Variants in DENND1A observed in about 807,000 individuals in gnomAD.
DENND1A encodes the protein DENN domain containing 1A.
Under a neutral mutation model 113.7 loss-of-function variants are expected in DENND1A, and 51 were observed. That is an observed-to-expected ratio of 0.45 (90% CI 0.36 to 0.57). The LOEUF (loss-of-function observed/expected upper bound fraction) is 0.57, where lower values mean the gene tolerates loss of function less well. DENND1A is among the 20% of genes least tolerant of loss of function. The pLI, the probability that DENND1A is intolerant of heterozygous loss-of-function variation, is 0.00. For missense variants in DENND1A, 1,258 were observed against 1,395.9 expected (o/e 0.90, Z 1.57); for synonymous variants, 565 against 570.8 (o/e 0.99, Z 0.14).
chr9:123,551,805 AC>A (rs1160261727), intron 13 of DENND1A, among the ~76,000 whole-genome samples: 2 of 152,098 alleles, frequency 1.3e-5, no homozygotes, highest in African/African-American at 4.8e-5. Context: ...TGAGCCGGGC[AC>A]CCAGCCTCCC....
chr9:123,656,090 A>G (rs1414893404), intron 8 of DENND1A, among the ~76,000 whole-genome samples: 2 of 152,236 alleles, frequency 1.3e-5, no homozygotes, highest in African/African-American at 2.4e-5. Flanking sequence ...ACGGATATGC[A>G]GGGGAAGGCT....
In DENND1A at chr9:123,627,783, G is replaced by A. The variant is rs890094086; in HGVS notation, c.719+2593C>T. On this transcript the variant is annotated intron_variant, in intron 10 of 23. Coordinates refer to ENST00000394215, the MANE Select transcript of DENND1A (RefSeq NM_001352964.2). The stretch of plus-strand genomic sequence containing the variant: ...AGAGAGAGAGAGCGAGCGAGTGAGA[G>A]AGAGAGAGAGAGCAAGCTCACAAAG... 2.3e-5 allele frequency among the ~76,000 whole-genome samples: 3 copies of A among 130,594 alleles called. No individual in the cohort carries two copies. In the East Asian group the frequency reaches 6.3e-4, roughly 27 times the overall value. 85.7% of individuals were successfully genotyped at this position (130,594 alleles called of 152,430 possible).
chr9:123,401,696 G>T, intron 21 of DENND1A: 1 of 1,539,506 alleles, frequency 6.5e-7, no homozygotes, highest in Non-Finnish European at 8.8e-7. Context: ...AACTAAAAGT[G>T]ATACTGACAC....
In DENND1A at chr9:123,704,032, T is replaced by C. The variant is rs74906253; in HGVS notation, c.303-27243A>G. ...ATTTTGGCCTATGGAAGATTAGATA[T>C]TTTTAAAACCCTCCCAACTGATACA... On this transcript the variant is annotated intron_variant, in intron 5 of 23. Coordinates refer to ENST00000394215, the MANE Select transcript of DENND1A (RefSeq NM_001352964.2). Among the ~76,000 whole-genome samples the C allele has an allele frequency of 5.5e-3, 830 of 152,196 alleles. 7 individuals are homozygous for C. The highest frequency in any genetic ancestry group is 7.8e-3 in the Non-Finnish European group (533 of 68,028).
chr9:123,444,926 C>T (rs1214435522), intron 18 of DENND1A, among the ~76,000 whole-genome samples: 3 of 152,222 alleles, frequency 2.0e-5, no homozygotes, highest in Admixed American at 1.3e-4. Flanking sequence ...GACAGAGCTA[C>T]ATATCAGGGG....
intron 10 of DENND1A, 130 bp from the exon 11 acceptor site, chr9:123,609,611 C>G (rs1174308154): frequency 9.6e-7 from 1 of 1,043,380 alleles, no homozygotes; most frequent in Non-Finnish European, 1.3e-6. Flanking sequence ...CCTTTCACAA[C>G]AAAAATCCTA....
At chr9:123,662,936 A>G (rs1328190865) in intron 8 of DENND1A, among the ~76,000 whole-genome samples, 1 of 152,202 alleles carries the variant, frequency 6.6e-6, no homozygotes, top group Non-Finnish European at 1.5e-5. Flanking sequence ...CTATAGGAAA[A>G]TCAATAAGTG....
intron 11 of DENND1A, among the ~76,000 whole-genome samples, chr9:123,607,545 A>AGTGTGTGT (rs1469468515): frequency 9.4e-6 from 1 of 106,022 alleles, no homozygotes; most frequent in South Asian, 3.5e-4. Context: ...AGAGAGAGAG[A>AGTGTGTGT]GAGTGTGTGT....
At chr9:123,555,577 T>G (rs1186055452) in intron 13 of DENND1A, among the ~76,000 whole-genome samples, 3 of 152,228 alleles carry the variant, frequency 2.0e-5, no homozygotes, top group Non-Finnish European at 2.9e-5. Flanking sequence ...AGTTTCACCT[T>G]CCTGATGAAA....
At chr9:123,767,383 T>C (rs1289234751) in intron 4 of DENND1A, among the ~76,000 whole-genome samples, 2 of 151,490 alleles carry the variant, frequency 1.3e-5, no homozygotes, top group Non-Finnish European at 2.9e-5. Flanking sequence ...AAAAGAAACA[T>C]TTCTGTCCTC....
intron 10 of DENND1A, among the ~76,000 whole-genome samples, chr9:123,622,323 T>G (rs984510440): frequency 6.6e-6 from 1 of 152,240 alleles, no homozygotes; most frequent in Non-Finnish European, 1.5e-5. Flanking sequence ...AGAATTGATT[T>G]GTGGTCCCTA....
intron 18 of DENND1A, among the ~76,000 whole-genome samples, chr9:123,445,474 A>T (rs1027314708): frequency 2.6e-5 from 4 of 152,214 alleles, no homozygotes; most frequent in Non-Finnish European, 5.9e-5. Context: ...TGGTGGTTGT[A>T]TGGACAACCT....
intron 1 of DENND1A, among the ~76,000 whole-genome samples, chr9:123,920,869 G>T (rs1397569476): frequency 6.6e-6 from 1 of 152,028 alleles, no homozygotes; most frequent in Non-Finnish European, 1.5e-5. Context: ...TACCGGGCCT[G>T]GCTGGGGACA....
At chr9:123,394,590 G>A (rs1044145985) in intron 21 of DENND1A, among the ~76,000 whole-genome samples, 4 of 152,236 alleles carry the variant, frequency 2.6e-5, no homozygotes, top group Non-Finnish European at 4.4e-5. Flanking sequence ...TTCTCAGTCT[G>A]TAGGTTCACT....
At position 123,704,970 on chromosome 9, in the gene DENND1A, T is replaced by C. The variant is rs987012882; in HGVS notation, c.303-28181A>G. On this transcript the variant is annotated intron_variant, in intron 5 of 23. Transcript: ENST00000394215. ...AAAAGCCTAATGTATTCTAATCAAA[T>C]TTCCAGAAGGATATAATAAGAAAAA... is the stretch of plus-strand genomic sequence containing the variant. Among the ~76,000 whole-genome samples, 8 of 152,080 alleles carry C rather than the reference T, an allele frequency of 5.3e-5. No homozygotes were observed. In the East Asian group the frequency reaches 1.5e-3, roughly 29 times the overall value.
At chr9:123,533,759 A>AAAGGGT (rs1277065701) in intron 13 of DENND1A, among the ~76,000 whole-genome samples, 1 of 152,206 alleles carries the variant, frequency 6.6e-6, no homozygotes, top group East Asian at 1.9e-4. Flanking sequence ...AAAGGTCAGT[A>AAAGGGT]AAGGGTAAGG....
chr9:123,586,679 A>G (rs1005909905), intron 11 of DENND1A, among the ~76,000 whole-genome samples: 31 of 152,228 alleles, frequency 2.0e-4, no homozygotes, highest in African/African-American at 7.5e-4. Context: ...ATTGGAGCCC[A>G]GCTCGCTGGA....
At chr9:123,702,271 GA>G (rs943548167) in intron 5 of DENND1A, among the ~76,000 whole-genome samples, 5 of 151,364 alleles carry the variant, frequency 3.3e-5, no homozygotes, top group Admixed American at 1.3e-4. Flanking sequence ...GATAAAAAAG[GA>G]AAAAAAAGGA....
intron 2 of DENND1A, among the ~76,000 whole-genome samples, chr9:123,870,911 G>C (rs938270175): frequency 4.6e-5 from 7 of 151,976 alleles, no homozygotes; most frequent in African/African-American, 1.7e-4. Context: ...AGGAAAGTTA[G>C]CTATTCTATT....
Sources: allele counts gnomAD v4.1 joint callset (sites outside exome capture counted in the v4.1 genomes callset), GRCh38; gene constraint gnomAD v4.1.1; transcripts MANE v1.5; gene names NCBI Gene and HGNC (gene_info 2026-07-23, HGNC 2026-07-21).